The following MBD2 variants were observed in gnomAD, a reference collection of about 807,000 sequenced individuals.
The protein encoded by MBD2 is methyl-CpG-binding domain protein 2.
In MBD2, 9 loss-of-function variants were observed where a neutral mutation model predicts 39.3. That is an observed-to-expected ratio of 0.23 (90% CI 0.14 to 0.40). The LOEUF (loss-of-function observed/expected upper bound fraction) is 0.40. Ranked by LOEUF, MBD2 falls within the 10% of genes least tolerant of loss-of-function variation. The pLI, the probability that MBD2 is intolerant of heterozygous loss-of-function variation, is 1.00. For missense variants in MBD2, 458 were observed against 532.6 expected (o/e 0.86, Z 1.38); for synonymous variants, 233 against 211.1 (o/e 1.10, Z -0.90).
At chr18:54,219,379 G>A (rs1455037245) in intron 1 of MBD2, among the ~76,000 whole-genome samples, 1 of 152,170 alleles carries the variant, frequency 6.6e-6, no homozygotes, top group African/African-American at 2.4e-5. Context: ...CAAAACGTTA[G>A]GTGGAATATC....
chr18:54,180,857 G>C (rs998492089), intron 3 of MBD2, among the ~76,000 whole-genome samples: 3 of 147,902 alleles, frequency 2.0e-5, no homozygotes, highest in Admixed American at 2.0e-4. Flanking sequence ...ACAATTATTG[G>C]TAACTATGAA....
In MBD2 at chr18:54,215,156, A is replaced by C. The variant is rs187273593; in HGVS notation, c.542+8862T>G. On this transcript the variant is annotated intron_variant, in intron 1 of 6. Coordinates refer to ENST00000256429, the MANE Select transcript of MBD2 (RefSeq NM_003927.5). ...GATACAAGCCCCGATCTTCTGACTCAAAAGTCTCCATTGTTTATTCTAAAC... is the reference window on the plus strand; with the variant it reads ...GATACAAGCCCCGATCTTCTGACTCCAAAGTCTCCATTGTTTATTCTAAAC... 6.4e-3 allele frequency among the ~76,000 whole-genome samples: 970 copies of C among 152,334 alleles called. 7 individuals carry two copies. Among genetic ancestry groups the C allele is most frequent in the Non-Finnish European group, 9.6e-3 (654 of 68,034 alleles).
chr18:54,206,453 T>C (rs1347217673), intron 1 of MBD2, among the ~76,000 whole-genome samples: 2 of 152,198 alleles, frequency 1.3e-5, no homozygotes, highest in Non-Finnish European at 2.9e-5. Context: ...ATGTGTCACA[T>C]TTAGAACTTA....
chr18:54,189,246 C>T (rs1396006723), intron 2 of MBD2, among the ~76,000 whole-genome samples: 3 of 129,230 alleles, frequency 2.3e-5, no homozygotes, highest in South Asian at 2.4e-4. Flanking sequence ...TTTTTTGAGA[C>T]GGAGTCTCAC....
intron 3 of MBD2, among the ~76,000 whole-genome samples, chr18:54,166,709 A>T (rs1041966141): frequency 6.6e-6 from 1 of 152,120 alleles, no homozygotes; most frequent in Non-Finnish European, 1.5e-5. Context: ...TTATTTTTAA[A>T]CTGGATGTCA....
chr18:54,169,438 C>T (rs930689442), intron 3 of MBD2, among the ~76,000 whole-genome samples: 1 of 151,434 alleles, frequency 6.6e-6, no homozygotes, highest in African/African-American at 2.5e-5. Flanking sequence ...AGGAAAAGGT[C>T]TTCCTTTGCC....
chr18:54,201,013 G>C (rs1230157396), intron 2 of MBD2, among the ~76,000 whole-genome samples: 1 of 151,366 alleles, frequency 6.6e-6, no homozygotes, highest in Non-Finnish European at 1.5e-5. Flanking sequence ...CCGGGAGGCA[G>C]AGCTTGCAGT....
chr18:54,172,120 T>C (rs1354996922), intron 3 of MBD2, among the ~76,000 whole-genome samples: 1 of 152,222 alleles, frequency 6.6e-6, no homozygotes, highest in Non-Finnish European at 1.5e-5. Context: ...GTCTCAATTG[T>C]AGGTGATCTG....
chr18:54,176,602 G>T (rs559559869), intron 3 of MBD2, among the ~76,000 whole-genome samples: 2 of 152,186 alleles, frequency 1.3e-5, no homozygotes, highest in African/African-American at 4.8e-5. Context: ...TGGATGAATG[G>T]TGTTTCCTGC....
intron 3 of MBD2, among the ~76,000 whole-genome samples, chr18:54,170,055 C>A (rs2086169156): frequency 6.6e-6 from 1 of 152,174 alleles, no homozygotes; most frequent in Non-Finnish European, 1.5e-5. Flanking sequence ...TCACTTAAAG[C>A]CACAAAAGTG....
At chr18:54,219,781 G>A (rs1215096092) in intron 1 of MBD2, among the ~76,000 whole-genome samples, 4 of 151,938 alleles carry the variant, frequency 2.6e-5, no homozygotes, top group Non-Finnish European at 5.9e-5. Flanking sequence ...CTAGTCTTTA[G>A]CAACAAATGG....
intron 3 of MBD2, among the ~76,000 whole-genome samples, chr18:54,167,198 A>G (rs2086140421): frequency 6.6e-6 from 1 of 152,194 alleles, no homozygotes; most frequent in Non-Finnish European, 1.5e-5. Context: ...ATTTGTGGGA[A>G]TGACTGAAAA....
chr18:54,185,479 AAG>A (rs1262777992), intron 3 of MBD2, among the ~76,000 whole-genome samples: 1 of 152,180 alleles, frequency 6.6e-6, no homozygotes, highest in Non-Finnish European at 1.5e-5. Context: ...TTGAGGCTAA[AAG>A]AGAAAAAGAA....
At chr18:54,208,438 G>A (rs2086470496) in intron 1 of MBD2, among the ~76,000 whole-genome samples, 1 of 152,194 alleles carries the variant, frequency 6.6e-6, no homozygotes, top group African/African-American at 2.4e-5. Context: ...GTTGCGGCAA[G>A]CCGAGATGGC....
At chr18:54,166,814 C>T (rs370185990) in intron 3 of MBD2, among the ~76,000 whole-genome samples, 1 of 152,252 alleles carries the variant, frequency 6.6e-6, no homozygotes, top group South Asian at 2.1e-4. Flanking sequence ...AGTGAGTACA[C>T]TGAGTGGCTC....
intron 3 of MBD2, among the ~76,000 whole-genome samples, chr18:54,171,869 C>T (rs1354819527): frequency 6.6e-6 from 1 of 152,220 alleles, no homozygotes; most frequent in Non-Finnish European, 1.5e-5. Flanking sequence ...AAATAACTTA[C>T]ACAATTAATC....
chr18:54,175,119 A>G (rs2086202942), intron 3 of MBD2, among the ~76,000 whole-genome samples: 1 of 152,258 alleles, frequency 6.6e-6, no homozygotes, highest in African/African-American at 2.4e-5. Context: ...CTTAAAAAGC[A>G]TCTTCCCTTT....
intron 5 of MBD2, among the ~76,000 whole-genome samples, chr18:54,162,198 A>T (rs919854573): frequency 6.6e-6 from 1 of 152,250 alleles, no homozygotes; most frequent in Non-Finnish European, 1.5e-5. Context: ...GACCCCACAG[A>T]ACTTTAAGCT....
intron 2 of MBD2, among the ~76,000 whole-genome samples, chr18:54,201,658 C>G (rs1031466715): frequency 6.6e-6 from 1 of 151,936 alleles, no homozygotes; most frequent in South Asian, 2.1e-4. Flanking sequence ...GTCAGGAGAT[C>G]GAGACCATCC....
Sources: allele counts gnomAD v4.1 joint callset (sites outside exome capture counted in the v4.1 genomes callset), GRCh38; gene constraint gnomAD v4.1.1; transcripts MANE v1.5; gene names NCBI Gene and HGNC (gene_info 2026-07-23, HGNC 2026-07-21).